The following SKAP1 variants were observed in gnomAD, a reference collection of about 807,000 sequenced individuals.
SKAP1 encodes src kinase-associated phosphoprotein 1.
SKAP1 carries 44 observed loss-of-function variants against 58.5 expected under a neutral mutation model. That is an observed-to-expected ratio of 0.75 (90% CI 0.59 to 0.97). SKAP1 has a LOEUF of 0.97. Among genes scored for constraint, SKAP1 ranks in the 50% least tolerant of loss-of-function variants. SKAP1 has a pLI of 0.00. For synonymous variants in SKAP1, 127 were observed against 149.7 expected, an observed-to-expected ratio of 0.85 and a Z score of 1.11; for missense variants, 390 against 435.2, an observed-to-expected ratio of 0.90 and a Z score of 0.92.
intron 4 of SKAP1, among the ~76,000 whole-genome samples, chr17:48,319,725 C>T (rs142162056): frequency 6.6e-6 from 1 of 152,030 alleles, no homozygotes; most frequent in Non-Finnish European, 1.5e-5. Flanking sequence ...GCCTGTAGTC[C>T]CTGCTACAGA....
intron 11 of SKAP1, among the ~76,000 whole-genome samples, chr17:48,156,669 C>G (rs1282467597): frequency 6.6e-6 from 1 of 152,214 alleles, no homozygotes; most frequent in African/African-American, 2.4e-5. Context: ...ATTAAGTGGG[C>G]ATGACACTGC....
chr17:48,267,767 G>C, intron 4 of SKAP1, among the ~76,000 whole-genome samples: 1 of 152,102 alleles, frequency 6.6e-6, no homozygotes, highest in Non-Finnish European at 1.5e-5. Context: ...CATGGGAGAT[G>C]TTTAGGAACT....
intron 1 of SKAP1, among the ~76,000 whole-genome samples, chr17:48,408,544 T>C (rs2067619030): frequency 6.6e-6 from 1 of 152,164 alleles, no homozygotes; most frequent in South Asian, 2.1e-4. Context: ...AAAAGTCCTA[T>C]ATAAAATACT....
chr17:48,421,297 T>C (rs2067790615), intron 1 of SKAP1, among the ~76,000 whole-genome samples: 1 of 63,580 alleles, frequency 1.6e-5, no homozygotes, highest in East Asian at 2.9e-4. Context: ...TAGAGTGTTC[T>C]TTTTTTTTTT....
chr17:48,249,106 A>C (rs2065332447), intron 4 of SKAP1: 1 of 152,220 alleles, frequency 6.6e-6, no homozygotes, highest in Non-Finnish European at 1.5e-5. Context: ...CTAATAGACA[A>C]TAACTTGTCA....
chr17:48,138,911 CAG>C (rs1245951639), intron 11 of SKAP1, among the ~76,000 whole-genome samples: 4 of 150,122 alleles, frequency 2.7e-5, no homozygotes, highest in Non-Finnish European at 5.9e-5. Context: ...TTTTTTGAGA[CAG>C]AGTCTCACTC....
chr17:48,393,365 TA>T (rs1171415635), intron 2 of SKAP1, among the ~76,000 whole-genome samples: 1 of 152,168 alleles, frequency 6.6e-6, no homozygotes, highest in Non-Finnish European at 1.5e-5. Flanking sequence ...TTTCTAAGTC[TA>T]AAAAAAGATA....
chr17:48,138,370 ATTTT>A (rs34767643), intron 11 of SKAP1, among the ~76,000 whole-genome samples: 1 of 130,228 alleles, frequency 7.7e-6, no homozygotes, highest in Non-Finnish European at 1.7e-5. Context: ...ACACCCGGCT[ATTTT>A]TTTTTTTTTT....
Position 48,403,870 on chromosome 17 carries a change from T to C in SKAP1, c.47-7085A>G, listed in dbSNP as rs1473868284. Among the ~76,000 whole-genome samples the C allele has an allele frequency of 2.6e-5, 4 of 152,132 alleles. No homozygotes were observed. The East Asian group carries it at 7.7e-4, about 29-fold the overall frequency. ...GGGAGGCAGAGGCGGGCAGACCACT[T>C]GAGGTCAGGAGTTTGAGACCAGCCT... is the stretch of plus-strand genomic sequence containing the variant. On this transcript the variant is annotated intron_variant, in intron 1 of 12. Coordinates refer to ENST00000336915, the MANE Select transcript of SKAP1 (RefSeq NM_003726.4).
At chr17:48,278,616 G>A (rs528432305) in intron 4 of SKAP1, among the ~76,000 whole-genome samples, 2 of 152,268 alleles carry the variant, frequency 1.3e-5, no homozygotes, top group African/African-American at 2.4e-5. Flanking sequence ...TAGTCCAGAT[G>A]AGAATCTGTA....
chr17:48,177,659 G>A (rs2064309192), intron 9 of SKAP1, among the ~76,000 whole-genome samples: 1 of 152,066 alleles, frequency 6.6e-6, no homozygotes, highest in Non-Finnish European at 1.5e-5. Context: ...AATTTCTCCA[G>A]GTGTGGCACT....
intron 4 of SKAP1, among the ~76,000 whole-genome samples, chr17:48,269,420 A>G (rs920578327): frequency 2.0e-5 from 3 of 152,186 alleles, no homozygotes; most frequent in African/African-American, 7.2e-5. Context: ...CTACACCAGG[A>G]CTAGAGAATG....
chr17:48,293,523 C>T (rs968160113), intron 4 of SKAP1, among the ~76,000 whole-genome samples: 8 of 152,052 alleles, frequency 5.3e-5, no homozygotes, highest in African/African-American at 1.9e-4. Context: ...CTTGGATATC[C>T]CTTAGATATT....
intron 1 of SKAP1, among the ~76,000 whole-genome samples, chr17:48,429,767 AG>A (rs1205469670): frequency 6.6e-6 from 1 of 152,192 alleles, no homozygotes; most frequent in Non-Finnish European, 1.5e-5. Context: ...AGAAAGGGAC[AG>A]GTCGGAGACC....
chr17:48,186,547 G>A (rs112896750), intron 6 of SKAP1, among the ~76,000 whole-genome samples: 9,121 of 152,008 alleles, frequency 0.06, 367 homozygotes, highest in Non-Finnish European at 0.091. Context: ...GTGCAGTGGC[G>A]TGATCTCGGC....
At chr17:48,152,092 T>C (rs1389369696) in intron 11 of SKAP1, among the ~76,000 whole-genome samples, 42 of 152,236 alleles carry the variant, frequency 2.8e-4, no homozygotes, top group Non-Finnish European at 1.5e-4. Context: ...AAATAACTAG[T>C]TTTCTGAAAC....
upstream of SKAP1, among the ~76,000 whole-genome samples, chr17:48,433,050 A>C (rs2067927245): frequency 6.6e-6 from 1 of 152,202 alleles, no homozygotes; most frequent in Non-Finnish European, 1.5e-5. Context: ...ATGTTGCATC[A>C]AGGTTCCTCA....
At chr17:48,170,783 T>C in intron 9 of SKAP1, 124 bp from the exon 10 acceptor site, 2 of 802,510 alleles carry the variant, frequency 2.5e-6, no homozygotes, top group Non-Finnish European at 4.1e-6. Flanking sequence ...GATTTTCGGT[T>C]CACTGCAAAT....
chr17:48,338,068 C>T (rs1006324846), intron 4 of SKAP1, among the ~76,000 whole-genome samples: 1 of 151,358 alleles, frequency 6.6e-6, no homozygotes, highest in Non-Finnish European at 1.5e-5. Flanking sequence ...TTAGTTCCTT[C>T]TTTCTTTCTT....
Sources: allele counts gnomAD v4.1 joint callset (sites outside exome capture counted in the v4.1 genomes callset), GRCh38; gene constraint gnomAD v4.1.1; transcripts MANE v1.5; gene names NCBI Gene and HGNC (gene_info 2026-07-23, HGNC 2026-07-21).